Variants in VDAC1 observed in about 807,000 individuals in gnomAD.
VDAC1 encodes the protein non-selective voltage-gated ion channel VDAC1.
VDAC1 carries 10 observed loss-of-function variants against 34.7 expected under a neutral mutation model. That is an observed-to-expected ratio of 0.29 (90% CI 0.18 to 0.49). VDAC1 has a LOEUF of 0.49. VDAC1 is among the 20% of genes least tolerant of loss of function. VDAC1 has a pLI of 0.99. For synonymous variants in VDAC1, 130 were observed against 136.0 expected (o/e 0.96, Z 0.30); for missense variants, 230 against 347.9 (o/e 0.66, Z 2.69).
chr5:134,006,740 C>T (rs1580738999), upstream of VDAC1, among the ~76,000 whole-genome samples: 1 of 110,252 alleles, frequency 9.1e-6, no homozygotes, highest in East Asian at 2.8e-4. Context: ...GACATTGTCC[C>T]CCCCCCCCAA....
the VDAC1 span, among the ~76,000 whole-genome samples, chr5:134,037,003 CACAA>C: frequency 1.5e-4 from 23 of 151,846 alleles, no homozygotes; most frequent in African/African-American, 5.3e-4. Flanking sequence ...GAAGCAAATG[CACAA>C]ACAGTTAATA....
chr5:134,049,699 C>T, the VDAC1 span, among the ~76,000 whole-genome samples: 1 of 152,158 alleles, frequency 6.6e-6, no homozygotes, highest in Admixed American at 6.5e-5. Flanking sequence ...CCTGTCTCAG[C>T]CTCCCAAGTA....
chr5:133,997,464 G>C (rs1483221615), intron 1 of VDAC1, among the ~76,000 whole-genome samples: 1 of 151,848 alleles, frequency 6.6e-6, no homozygotes, highest in Non-Finnish European at 1.5e-5. Context: ...TTGGGAGGCT[G>C]AGGTGGGCGG....
the VDAC1 span, among the ~76,000 whole-genome samples, chr5:134,065,981 T>TGG: frequency 1.5e-4 from 23 of 151,734 alleles, no homozygotes; most frequent in East Asian, 5.8e-4. Flanking sequence ...TTAGTAGAGA[T>TGG]GGGGGGTCTC....
the VDAC1 span, among the ~76,000 whole-genome samples, chr5:134,075,660 T>G: frequency 6.6e-6 from 1 of 152,178 alleles, no homozygotes; most frequent in Non-Finnish European, 1.5e-5. Context: ...CTCGGCTCAC[T>G]GCAACCTCCA....
chr5:134,109,106 C>G, the VDAC1 span, among the ~76,000 whole-genome samples: 1 of 143,346 alleles, frequency 7.0e-6, no homozygotes, highest in Non-Finnish European at 1.5e-5. Context: ...TTCCTGGATT[C>G]TAAGTGATCA....
At chr5:133,976,102 A>G in intron 6 of VDAC1, 81 bp from the exon 7 acceptor site, 1 of 1,566,396 alleles carries the variant, frequency 6.4e-7, no homozygotes. Context: ...AGTCTCCCAG[A>G]AGACAGGGAT....
the VDAC1 span, among the ~76,000 whole-genome samples, chr5:134,074,020 G>T: frequency 2.0e-5 from 3 of 152,026 alleles, no homozygotes; most frequent in African/African-American, 7.3e-5. Flanking sequence ...GCCTAAGAAT[G>T]AATAAAAGCT....
chr5:133,982,866 G>A (rs1303073451), intron 5 of VDAC1, among the ~76,000 whole-genome samples: 1 of 150,954 alleles, frequency 6.6e-6, no homozygotes, highest in Non-Finnish European at 1.5e-5. Flanking sequence ...CTCCAGCCTG[G>A]GTAGCAAGAA....
chr5:134,055,965 G>T, the VDAC1 span, among the ~76,000 whole-genome samples: 1 of 151,226 alleles, frequency 6.6e-6, no homozygotes, highest in Non-Finnish European at 1.5e-5. Context: ...TTGGCCAGGC[G>T]CGGTGGCTCA....
intron 5 of VDAC1, among the ~76,000 whole-genome samples, chr5:133,987,449 G>A (rs760993471): frequency 1.1e-4 from 16 of 152,270 alleles, no homozygotes; most frequent in Admixed American, 5.2e-4. Flanking sequence ...AGGCTGAGAC[G>A]GGTGGATCGC....
chr5:133,976,546 GACTCACGCCTGTA>G (rs1383586949), intron 6 of VDAC1, among the ~76,000 whole-genome samples: 2 of 151,836 alleles, frequency 1.3e-5, no homozygotes, highest in Admixed American at 1.3e-4. Flanking sequence ...GGTACGTGGT[GACTCACGCCTGTA>G]ATCCTAGCAT....
intron 6 of VDAC1, 181 bp from the exon 7 acceptor site, chr5:133,976,202 G>A: frequency 1.5e-6 from 1 of 682,130 alleles, no homozygotes; most frequent in Non-Finnish European, 2.4e-6. Context: ...CAGGAAGTCT[G>A]ATAAGTATGG....
chr5:134,026,791 G>A, the VDAC1 span, among the ~76,000 whole-genome samples: 3 of 152,172 alleles, frequency 2.0e-5, no homozygotes, highest in Non-Finnish European at 4.4e-5. Context: ...GTCACCCCAA[G>A]CCTGCATGGA....
chr5:134,040,391 A>T, the VDAC1 span, among the ~76,000 whole-genome samples: 3 of 152,250 alleles, frequency 2.0e-5, no homozygotes, highest in Non-Finnish European at 4.4e-5. Context: ...CCTGGCCAAC[A>T]TAGTGAAATC....
intron 7 of VDAC1, among the ~76,000 whole-genome samples, chr5:133,974,399 A>G (rs1381693246): frequency 6.6e-6 from 1 of 152,186 alleles, no homozygotes; most frequent in African/African-American, 2.4e-5. Context: ...CAAGATGCCA[A>G]CTGACTATTG....
chr5:134,024,251 G>A, the VDAC1 span, among the ~76,000 whole-genome samples: 650 of 152,126 alleles, frequency 4.3e-3, 3 homozygotes, highest in African/African-American at 0.015. Context: ...TGGCCAGGCC[G>A]GGTGCGGTCA....
At chr5:134,104,192 A>C in the VDAC1 span, among the ~76,000 whole-genome samples, 1 of 152,210 alleles carries the variant, frequency 6.6e-6, no homozygotes, top group Non-Finnish European at 1.5e-5. Flanking sequence ...TCCTACAATG[A>C]ATCAGGGATG....
the VDAC1 span, among the ~76,000 whole-genome samples, chr5:134,101,558 C>CA: frequency 4.3e-3 from 579 of 134,144 alleles, 2 homozygotes; most frequent in East Asian, 8.1e-3. Context: ...GACTCTGTCT[C>CA]AAAAAAAAAA....
Sources: allele counts gnomAD v4.1 joint callset (sites outside exome capture counted in the v4.1 genomes callset), GRCh38; gene constraint gnomAD v4.1.1; transcripts MANE v1.5; gene names NCBI Gene and HGNC (gene_info 2026-07-23, HGNC 2026-07-21).